The following POLE2 variants were observed in gnomAD, a reference collection of about 807,000 sequenced individuals.
The protein encoded by POLE2 is DNA polymerase epsilon subunit 2.
In POLE2, 56 loss-of-function variants were observed where a neutral mutation model predicts 79.4. The observed-to-expected ratio is 0.71, with a 90% confidence interval of 0.57 to 0.88. POLE2 has a LOEUF of 0.88. Among genes scored for constraint, POLE2 ranks in the 40% least tolerant of loss-of-function variants. POLE2 has a pLI of 0.00. For synonymous variants in POLE2, 212 were observed against 214.0 expected, an observed-to-expected ratio of 0.99 and a Z score of 0.08; for missense variants, 598 against 638.9, an observed-to-expected ratio of 0.94 and a Z score of 0.69.
intron 2 of POLE2, among the ~76,000 whole-genome samples, chr14:49,680,087 C>T (rs1320404150): frequency 6.6e-6 from 1 of 152,210 alleles, no homozygotes; most frequent in Non-Finnish European, 1.5e-5. Context: ...CGGTGGCTCA[C>T]ACCTATAATC....
intron 15 of POLE2, among the ~76,000 whole-genome samples, chr14:49,652,829 G>A (rs995929782): frequency 7.2e-5 from 11 of 151,950 alleles, no homozygotes; most frequent in Admixed American, 5.9e-4. Context: ...AGTGTAATAC[G>A]CTTGAATCAT....
intron 5 of POLE2, among the ~76,000 whole-genome samples, chr14:49,671,618 G>GAA (rs71115391): frequency 0.21 from 12,286 of 58,570 alleles, 1,188 homozygotes; most frequent in Non-Finnish European, 0.24. Flanking sequence ...CTCTGCCTCA[G>GAA]AAAAAAAAAA....
At chr14:49,664,190 A>C (rs780058903) in intron 9 of POLE2, among the ~76,000 whole-genome samples, 10 of 151,892 alleles carry the variant, frequency 6.6e-5, no homozygotes, top group Admixed American at 6.6e-4. Context: ...CTCTACTAAA[A>C]TACAAAAAAT....
At chr14:49,686,701 C>T (rs1384016719) in intron 1 of POLE2, among the ~76,000 whole-genome samples, 1 of 152,168 alleles carries the variant, frequency 6.6e-6, no homozygotes, top group African/African-American at 2.4e-5. Flanking sequence ...CGGTGCTTTG[C>T]AGCTAACAGA....
chr14:49,654,902 G>A, intron 12 of POLE2, 64 bp from the exon 13 acceptor site: 1 of 1,429,660 alleles, frequency 7.0e-7, no homozygotes, highest in East Asian at 2.6e-5. Context: ...TATTTGATTA[G>A]ATACAATCCT....
At chr14:49,661,834 C>A (rs1480264087) in intron 10 of POLE2, among the ~76,000 whole-genome samples, 1 of 152,082 alleles carries the variant, frequency 6.6e-6, no homozygotes, top group Non-Finnish European at 1.5e-5. Flanking sequence ...ACACCTCATA[C>A]CAATCCTTTG....
rs533179294 is a variant in POLE2 at position 49,669,571 on chromosome 14, G to A, written c.445C>T (p.Pro149Ser). 1.9e-6 allele frequency: 3 copies of A among 1,597,632 alleles called. No homozygotes were observed. Among genetic ancestry groups the A allele is most frequent in the East Asian group, 2.2e-5 (1 of 44,790 alleles). Residue 149 changes from proline to serine, a missense_variant, in exon 6 of 19, where the codon CCT (proline) becomes TCT (serine). Coordinates refer to ENST00000216367, the MANE Select transcript of POLE2 (RefSeq NM_002692.4). ...QRTHRHELFT[P>S]PVIGSHPDES... The stretch of plus-strand genomic sequence containing the variant: ...TCAGGGTGAGAACCTATCACCGGAG[G>A]AGTAAATAATTCATGCCTGTGGGTC...
chr14:49,663,677 GT>G (rs1018237078), intron 9 of POLE2, among the ~76,000 whole-genome samples: 5 of 152,064 alleles, frequency 3.3e-5, no homozygotes, highest in African/African-American at 9.7e-5. Context: ...AAAATTAAGT[GT>G]TTTTTTCAAC....
intron 2 of POLE2, among the ~76,000 whole-genome samples, chr14:49,680,846 T>C (rs1886650295): frequency 1.3e-5 from 2 of 152,044 alleles, no homozygotes; most frequent in Admixed American, 1.3e-4. Flanking sequence ...TTAGCCAGGA[T>C]GGTCTCGATC....
intron 15 of POLE2, 36 bp from the exon 16 acceptor site, chr14:49,651,413 G>A: frequency 1.2e-6 from 1 of 863,892 alleles, no homozygotes; most frequent in Non-Finnish European, 1.8e-6. Context: ...TGACTTCTCA[G>A]AAAAAAATGA....
At chr14:49,658,813 T>C (rs1245898847) in intron 10 of POLE2, among the ~76,000 whole-genome samples, 1 of 152,242 alleles carries the variant, frequency 6.6e-6, no homozygotes, top group Non-Finnish European at 1.5e-5. Context: ...TATGTAACAC[T>C]TGATAACAAT....
chr14:49,674,653 G>A (rs539712933), intron 3 of POLE2, among the ~76,000 whole-genome samples: 183 of 152,166 alleles, frequency 1.2e-3, no homozygotes, highest in Middle Eastern at 0.01. Flanking sequence ...TGCAAGCTCC[G>A]CCTCCTGGGT....
intron 10 of POLE2, among the ~76,000 whole-genome samples, chr14:49,656,610 A>G (rs566661780): frequency 4.6e-4 from 70 of 152,248 alleles, no homozygotes; most frequent in Non-Finnish European, 9.1e-4. Context: ...GGTTTTATTC[A>G]ATGCTCACCA....
chr14:49,684,232 G>C (rs896625602), intron 1 of POLE2, among the ~76,000 whole-genome samples: 17 of 151,532 alleles, frequency 1.1e-4, no homozygotes, highest in Admixed American at 3.9e-4. Flanking sequence ...GGAGGCCGAG[G>C]CGGGCGGATC....
chr14:49,673,464 TA>T (rs1263800718), intron 5 of POLE2, among the ~76,000 whole-genome samples: 10 of 152,348 alleles, frequency 6.6e-5, no homozygotes, highest in Non-Finnish European at 1.2e-4. Context: ...TTTTTTGCTG[TA>T]CCTTTCTTCA....
At chr14:49,670,316 C>CAAA (rs1885789746) in intron 5 of POLE2, among the ~76,000 whole-genome samples, 1 of 38,488 alleles carries the variant, frequency 2.6e-5, no homozygotes, top group South Asian at 7.1e-4. Context: ...AACTGTGTCT[C>CAAA]CAAAAAAAAA....
chr14:49,672,204 T>C (rs779940361), intron 5 of POLE2, among the ~76,000 whole-genome samples: 2 of 152,212 alleles, frequency 1.3e-5, no homozygotes, highest in Non-Finnish European at 2.9e-5. Context: ...AGGCCAATTA[T>C]GTGTGAGAGA....
chr14:49,665,845 A>G (rs1400726597), intron 7 of POLE2, among the ~76,000 whole-genome samples: 1 of 151,830 alleles, frequency 6.6e-6, no homozygotes, highest in Non-Finnish European at 1.5e-5. Context: ...TTTATTTTTG[A>G]GACAAAGTTT....
chr14:49,664,999 G>T, intron 8 of POLE2, 108 bp downstream of exon 8: 1 of 678,918 alleles, frequency 1.5e-6, no homozygotes, highest in South Asian at 1.7e-5. Context: ...CAGCAACATA[G>T]AGAAGTTACA....
Sources: allele counts gnomAD v4.1 joint callset (sites outside exome capture counted in the v4.1 genomes callset), GRCh38; gene constraint gnomAD v4.1.1; transcripts MANE v1.5; gene names NCBI Gene and HGNC (gene_info 2026-07-23, HGNC 2026-07-21).